CCT3: variants seen among roughly 807,000 people sequenced by gnomAD.
The protein encoded by CCT3 is T-complex protein 1 subunit gamma.
CCT3 carries 10 observed loss-of-function variants against 65.3 expected under a neutral mutation model. The ratio of observed to expected loss-of-function variants is 0.15; its 90% confidence interval spans 0.09 to 0.26. The LOEUF (loss-of-function observed/expected upper bound fraction) is 0.26, where lower values mean the gene tolerates loss of function less well. Among genes scored for constraint, CCT3 ranks in the 10% least tolerant of loss-of-function variants. CCT3 has a pLI of 1.00. For missense variants in CCT3, 626 were observed against 708.7 expected (o/e 0.88, Z 1.33); for synonymous variants, 225 against 242.3 (o/e 0.93, Z 0.66).
intron 5 of CCT3, among the ~76,000 whole-genome samples, chr1:156,325,571 CT>C (rs1025861731): frequency 6.8e-6 from 1 of 146,710 alleles, no homozygotes; most frequent in African/African-American, 2.5e-5. Flanking sequence ...CTTACTTATT[CT>C]TTTGATTTTT....
At chr1:156,322,483 G>C (rs1372604002) in intron 6 of CCT3, among the ~76,000 whole-genome samples, 2 of 151,816 alleles carry the variant, frequency 1.3e-5, no homozygotes, top group East Asian at 1.9e-4. Flanking sequence ...AAAACAGAGC[G>C]AGACCCCCCG....
chr1:156,329,324 T>G (rs565077033), intron 5 of CCT3, among the ~76,000 whole-genome samples: 2,763 of 125,576 alleles, frequency 0.022, 49 homozygotes, highest in African/African-American at 0.072. Context: ...TTTTTTTTTT[T>G]GAGACGGAAT....
intron 10 of CCT3, among the ~76,000 whole-genome samples, chr1:156,314,088 A>C (rs77886098): frequency 8.7e-5 from 1 of 11,554 alleles, no homozygotes; most frequent in East Asian, 3.1e-3. Flanking sequence ...TCTGTCTCCA[A>C]AAAAAAAAAA....
chr1:156,334,823 A>G, intron 3 of CCT3, 45 bp downstream of exon 3: 1 of 1,613,830 alleles, frequency 6.2e-7, no homozygotes, highest in Non-Finnish European at 8.5e-7. Context: ...GATAACAGGA[A>G]GAAAAAAATT....
At chr1:156,326,169 AC>A (rs1415530906) in intron 5 of CCT3, among the ~76,000 whole-genome samples, 1 of 151,924 alleles carries the variant, frequency 6.6e-6, no homozygotes, top group African/African-American at 2.4e-5. Flanking sequence ...CCCTGTCTCT[AC>A]GAAAAAATTC....
Position 156,318,856 on chromosome 1 carries a change from C to T in CCT3, c.759+12G>A. The stretch of plus-strand genomic sequence containing the variant: ...TTGCATCTACTTTAAGGAACAAGGC[C>T]AAGAACCTTACCTGGCTTTCTCCTT... On this transcript the variant is annotated intron_variant, in intron 8 of 13. Transcript: ENST00000295688. 6.2e-7 allele frequency: 1 copy of T among 1,609,090 alleles called. No homozygotes were observed.
chr1:156,335,637 G>C (rs1665304507), intron 2 of CCT3, 190 bp downstream of exon 2: 1 of 561,418 alleles, frequency 1.8e-6, no homozygotes, highest in Non-Finnish European at 3.2e-6. Context: ...AAGATTATCA[G>C]TCCTAACTCA....
In CCT3 at chr1:156,317,238, T is replaced by A; in HGVS notation, c.902A>T (p.Gln301Leu). 6.2e-7 allele frequency: 1 copy of A among 1,614,196 alleles called. No homozygotes were observed. The highest frequency in any genetic ancestry group is 8.5e-7 in the Non-Finnish European group (1 of 1,179,996). The change falls in exon 10 of 14, where the codon CAG becomes CTG. Residue 301 changes from glutamine to leucine, a missense_variant. Gln to Leu is a moderately radical substitution (Grantham distance 113). Transcript: ENST00000295688. The stretch of plus-strand genomic sequence containing the variant: ...GATATTGGCCCGCATAAGGTAGTGC[T>A]GAGCTAAATCTACAAATCCAAGAGT... ...ITEKGISDLA[Q>L]HYLMRANITA... is the part of the protein sequence containing the mutation.
chr1:156,338,257 C>T lies in CCT3; in HGVS notation c.-73G>A. On this transcript the variant is annotated 5_prime_UTR_variant, in exon 1 of 14. Coordinates refer to ENST00000295688, the MANE Select transcript of CCT3 (RefSeq NM_005998.5). ...AACCTTCTGGAGAGAGAGAACCAGACAGAAGCCCAGAAAACGCTGCCTCCT... is the reference window on the plus strand; with the variant it reads ...AACCTTCTGGAGAGAGAGAACCAGATAGAAGCCCAGAAAACGCTGCCTCCT... 6.7e-7 allele frequency: 1 copy of T among 1,497,630 alleles called. No individual in the cohort carries two copies. The highest frequency in any genetic ancestry group is 9.1e-7 in the Non-Finnish European group (1 of 1,097,490). The allele number at this position is 1,497,630 out of a possible 1,614,324, so 92.8% of individuals were successfully genotyped here. A position where few individuals can be genotyped will look rare whatever the true frequency, so the allele number is the denominator to read the frequency against.
At chr1:156,337,819 C>A (rs1046792107) in intron 1 of CCT3, 3 of 360,802 alleles carry the variant, frequency 8.3e-6, no homozygotes, top group Non-Finnish European at 5.0e-6. Flanking sequence ...AAACGTTATT[C>A]GTGCAGCTAC....
At position 156,309,044 on chromosome 1, in the gene CCT3, CTT is replaced by C. The variant is rs925537702; in HGVS notation, c.*153_*154del. The C allele has an allele frequency of 3.3e-6, 2 of 614,892 alleles. No individual in the cohort carries two copies. The highest frequency in any genetic ancestry group is 5.2e-5 in the Admixed American group (2 of 38,660). The allele number at this position is 614,892 out of a possible 1,614,324, so 38.1% of individuals were successfully genotyped here. ...ATAGAGAAGAATTACATGTCAGTGT[CTT>C]TTGGAAAACTGAGCTGGGACAGAAA... On this transcript the variant is annotated 3_prime_UTR_variant, in exon 14 of 14. Transcript: ENST00000295688.
intron 10 of CCT3, 46 bp from the exon 11 acceptor site, chr1:156,312,267 T>C: frequency 6.3e-7 from 1 of 1,575,596 alleles, no homozygotes; most frequent in African/African-American, 1.4e-5. Context: ...TTCAGATACT[T>C]GTACCCATTT....
chr1:156,311,103 C>T lies in CCT3; in HGVS notation c.1248G>A (p.Met416Ile). Residue 416 changes from methionine (M) to isoleucine (I), a missense_variant, in exon 12 of 14, where the codon ATG becomes ATA. By Grantham distance (10) the Met-to-Ile change is conservative. Coordinates refer to ENST00000295688, the MANE Select transcript of CCT3 (RefSeq NM_005998.5). The part of the protein sequence containing the change: ...QLVPGGGASE[M>I]AVAHALTEKS... ...TTTCTGTCAAGGCATGGGCCACAGC[C>T]ATCTCGGAGGCCCCACCCCCTGGCA... 1 of 1,614,164 alleles carries T rather than the reference C, an allele frequency of 6.2e-7. No homozygotes were observed. The highest frequency in any genetic ancestry group is 8.5e-7 in the Non-Finnish European group (1 of 1,180,018).
At chr1:156,334,057 G>A (rs899894823) in intron 4 of CCT3, among the ~76,000 whole-genome samples, 10 of 152,054 alleles carry the variant, frequency 6.6e-5, no homozygotes, top group African/African-American at 1.7e-4. Flanking sequence ...GGCCAACATG[G>A]GGAAACCCTG....
intron 6 of CCT3, among the ~76,000 whole-genome samples, chr1:156,324,650 A>G (rs1265896358): frequency 6.6e-6 from 1 of 151,542 alleles, no homozygotes; most frequent in Non-Finnish European, 1.5e-5. Context: ...TTTTTTTGAG[A>G]CGGAGTCTTG....
chr1:156,311,076 T>C lies in CCT3; in HGVS notation c.1275A>G (p.Lys425=), dbSNP rs1386083819. ...GTTCCACACCAGTCATGGCCTTGGA[T>C]TTTTCTGTCAAGGCATGGGCCACAG... The part of the protein sequence containing the change: ...EMAVAHALTE[K]SKAMTGVEQW... The change falls in exon 12 of 14, where the codon AAA becomes AAG. Residue 425 remains lysine (K), a synonymous_variant. Transcript: ENST00000295688. 1 of 1,613,912 alleles carries C rather than the reference T, an allele frequency of 6.2e-7. No homozygotes were observed. The highest frequency in any genetic ancestry group is 2.2e-5 in the East Asian group (1 of 44,866).
At position 156,311,080 on chromosome 1, in the gene CCT3, T is replaced by C. The variant is rs781769867; in HGVS notation, c.1271A>G (p.Glu424Gly). The C allele has an allele frequency of 1.9e-6, 3 of 1,613,926 alleles. No homozygotes were observed. Among genetic ancestry groups the C allele is most frequent in the South Asian group, 2.2e-5 (2 of 91,064 alleles). Residue 424 changes from glutamate (E) to glycine (G), a missense_variant, in exon 12 of 14, where the codon GAA becomes GGA. Coordinates refer to ENST00000295688, the MANE Select transcript of CCT3 (RefSeq NM_005998.5). ...SEMAVAHALT[E>G]KSKAMTGVEQ... is the part of the protein sequence containing the mutation. ...CACACCAGTCATGGCCTTGGATTTT[T>C]CTGTCAAGGCATGGGCCACAGCCAT...
At chr1:156,331,688 C>CATAA (rs569261761) in intron 5 of CCT3, among the ~76,000 whole-genome samples, 5,782 of 150,482 alleles carry the variant, frequency 0.038, 138 homozygotes, top group Non-Finnish European at 0.046. Context: ...GTCTCAAAAA[C>CATAA]ATAAATAAAT....
chr1:156,335,150 C>T (rs1206305523), intron 2 of CCT3: 7 of 486,632 alleles, frequency 1.4e-5, no homozygotes, highest in African/African-American at 5.9e-5. Context: ...GGATTAGAGG[C>T]GTGAGCCATT....
Sources: gnomAD v4.1 joint callset for allele counts (sites outside exome capture counted in the v4.1 genomes callset) on GRCh38, gnomAD v4.1.1 for gene constraint, MANE v1.5 for transcripts, NCBI Gene and HGNC (gene_info 2026-07-23, HGNC 2026-07-21) for gene names.